PSMC6: variants seen among roughly 807,000 people sequenced by gnomAD.
The protein encoded by PSMC6 is 26S proteasome regulatory subunit 10B.
In PSMC6, 3 loss-of-function variants were observed where a neutral mutation model predicts 55.9. The ratio of observed to expected loss-of-function variants is 0.05; its 90% CI spans 0.02 to 0.14. The LOEUF (loss-of-function observed/expected upper bound fraction) is 0.14. PSMC6 is among the 10% of genes least tolerant of loss of function. The pLI, the probability that PSMC6 is intolerant of heterozygous loss-of-function variation, is 1.00. For missense variants in PSMC6, 210 were observed against 478.7 expected, an observed-to-expected ratio of 0.44 and a Z score of 5.24; for synonymous variants, 137 against 155.9, an observed-to-expected ratio of 0.88 and a Z score of 0.90.
chr14:52,720,712 A>C, intron 10 of PSMC6, 149 bp from the exon 11 acceptor site: 1 of 626,964 alleles, frequency 1.6e-6, no homozygotes, highest in Admixed American at 3.4e-5. Flanking sequence ...TATAAGAGAG[A>C]GAAAAAGAAT....
intron 7 of PSMC6, 77 bp downstream of exon 7, chr14:52,714,045 A>G (rs964467938): frequency 9.5e-7 from 1 of 1,048,952 alleles, no homozygotes; most frequent in Non-Finnish European, 1.4e-6. Context: ...CAATTTTTTT[A>G]TTTTTATTTT....
Position 52,721,195 on chromosome 14 carries a change from G to T in PSMC6, c.979+5G>T. 6.5e-7 allele frequency: 1 copy of T among 1,549,220 alleles called. No homozygotes were observed. The highest frequency in any genetic ancestry group is 1.2e-5 in the South Asian group (1 of 83,104). On this transcript the variant is annotated splice_donor_5th_base_variant and intron_variant, in intron 12 of 13. Coordinates refer to ENST00000445930, the MANE Select transcript of PSMC6 (RefSeq NM_002806.5). ...TTACAAAGCATGGTGAAATAGGTAA[G>T]GAAGTCATCTATTTTATATGTATTT... is the stretch of plus-strand genomic sequence containing the variant.
intron 4 of PSMC6, 101 bp from the exon 5 acceptor site, chr14:52,711,000 G>A: frequency 1.3e-6 from 1 of 777,482 alleles, no homozygotes; most frequent in Non-Finnish European, 2.2e-6. Context: ...GTTCTCTCTG[G>A]AGGGTAAAAA....
chr14:52,711,223 A>G (rs1036116835), intron 5 of PSMC6, 55 bp downstream of exon 5: 26 of 1,504,708 alleles, frequency 1.7e-5, no homozygotes, highest in Non-Finnish European at 2.3e-5. Context: ...GGTGGTTTTT[A>G]TCTGAGATAT....
intron 7 of PSMC6, among the ~76,000 whole-genome samples, chr14:52,715,046 G>T (rs2041816222): frequency 6.6e-6 from 1 of 151,864 alleles, no homozygotes; most frequent in South Asian, 2.1e-4. Context: ...TAAATTACTT[G>T]CACTGTAGTG....
chr14:52,716,056 TAATC>T (rs1226522565), intron 7 of PSMC6, among the ~76,000 whole-genome samples: 3 of 152,230 alleles, frequency 2.0e-5, no homozygotes, highest in Non-Finnish European at 2.9e-5. Context: ...AGTTTCCAAA[TAATC>T]AATGCTTGAT....
intron 13 of PSMC6, among the ~76,000 whole-genome samples, chr14:52,726,203 A>G: frequency 6.6e-6 from 1 of 152,204 alleles, no homozygotes; most frequent in East Asian, 1.9e-4. Flanking sequence ...TCCATAACAC[A>G]ACTAATGTTT....
intron 12 of PSMC6, chr14:52,722,099 A>C (rs550017149): frequency 1.3e-5 from 2 of 152,324 alleles, no homozygotes; most frequent in Non-Finnish European, 2.9e-5. Flanking sequence ...ATTCCTGTTA[A>C]ATGCTGACAA....
chr14:52,721,004 C>T lies in PSMC6; in HGVS notation c.898+23C>T, dbSNP rs866209870. 4 of 1,606,854 alleles carry T rather than the reference C, an allele frequency of 2.5e-6. No individual in the cohort carries two copies. The Middle Eastern group carries it at 6.6e-4, about 267-fold the overall frequency. ...TACGTGAGTTAAGATTCTTTACCTACTGTCCATTTCCCTTTGTGCCCATTT... is the reference window on the plus strand; with the variant it reads ...TACGTGAGTTAAGATTCTTTACCTATTGTCCATTTCCCTTTGTGCCCATTT... On this transcript the variant is annotated intron_variant, in intron 11 of 13. Coordinates refer to ENST00000445930, the MANE Select transcript of PSMC6 (RefSeq NM_002806.5).
intron 7 of PSMC6, among the ~76,000 whole-genome samples, chr14:52,714,493 A>G (rs1467294205): frequency 3.9e-5 from 6 of 152,206 alleles, no homozygotes; most frequent in African/African-American, 1.4e-4. Flanking sequence ...ATTCTAGTGC[A>G]ACAGTCCTCA....
At chr14:52,714,291 T>C (rs1221723689) in intron 7 of PSMC6, among the ~76,000 whole-genome samples, 2 of 152,132 alleles carry the variant, frequency 1.3e-5, no homozygotes, top group Non-Finnish European at 2.9e-5. Flanking sequence ...CTGCCCACCT[T>C]AGCCTCCCAA....
intron 9 of PSMC6, chr14:52,718,624 A>C: frequency 1.0e-5 from 4 of 392,286 alleles, no homozygotes; most frequent in Non-Finnish European, 1.9e-5. Context: ...TGTCTCTACT[A>C]AAAATACAAA....
chr14:52,727,608 A>G lies in PSMC6; in HGVS notation c.1161A>G (p.Lys387=), dbSNP rs529137357. Reference sequence around the variant, plus strand: ...AGCTGGAGTCTAAATTGGACTACAAACCTGTGTAATTTACTGTAAGATTTT... The same window carrying G: ...AGCTGGAGTCTAAATTGGACTACAAGCCTGTGTAATTTACTGTAAGATTTT... ...SKKLESKLDY[K]PV is the part of the protein sequence containing the mutation. Residue 387 remains lysine (K), a synonymous_variant, in exon 14 of 14, where the codon AAA becomes AAG. Coordinates refer to ENST00000445930, the MANE Select transcript of PSMC6 (RefSeq NM_002806.5). 2 of 1,607,278 alleles carry G rather than the reference A, an allele frequency of 1.2e-6. No individual in the cohort carries two copies.
At chr14:52,718,510 C>G (rs887267268) in intron 9 of PSMC6, 158 bp downstream of exon 9, 3 of 808,946 alleles carry the variant, frequency 3.7e-6, no homozygotes, top group Non-Finnish European at 5.5e-6. Flanking sequence ...CTTTCATGGC[C>G]GGGTGTGGTG....
At chr14:52,713,205 G>A (rs936841429) in intron 6 of PSMC6, among the ~76,000 whole-genome samples, 20 of 152,076 alleles carry the variant, frequency 1.3e-4, no homozygotes, top group African/African-American at 4.6e-4. Flanking sequence ...ACTCCAGCCT[G>A]GGCAACAGAC....
chr14:52,721,493 G>A (rs972170884), intron 12 of PSMC6: 19 of 208,646 alleles, frequency 9.1e-5, no homozygotes, highest in East Asian at 1.1e-4. Flanking sequence ...TAAGTGCTAT[G>A]GAGAAAAATA....
intron 9 of PSMC6, chr14:52,718,694 G>A (rs4357836): frequency 0.48 from 190,543 of 400,912 alleles, 46,613 homozygotes; most frequent in Admixed American, 0.54. Context: ...GCTGAGGCAC[G>A]AGAATCGCTT....
chr14:52,715,458 C>T (rs1332419198), intron 7 of PSMC6, among the ~76,000 whole-genome samples: 1 of 152,008 alleles, frequency 6.6e-6, no homozygotes, highest in Non-Finnish European at 1.5e-5. Flanking sequence ...TTATTTGGCG[C>T]ACATTTTTTC....
At chr14:52,714,521 C>T (rs2041808912) in intron 7 of PSMC6, among the ~76,000 whole-genome samples, 1 of 152,040 alleles carries the variant, frequency 6.6e-6, no homozygotes, top group African/African-American at 2.4e-5. Flanking sequence ...GTTCACAGAC[C>T]CAGAGGTGCT....
Sources: allele counts gnomAD v4.1 joint callset (sites outside exome capture counted in the v4.1 genomes callset), GRCh38; gene constraint gnomAD v4.1.1; transcripts MANE v1.5; gene names NCBI Gene and HGNC (gene_info 2026-07-23, HGNC 2026-07-21).